The following TPRG1 variants were observed in gnomAD, a reference collection of about 807,000 sequenced individuals.
The protein encoded by TPRG1 is tumor protein p63 regulated 1.
A neutral mutation model predicts 29.3 loss-of-function variants in TPRG1; 29 were observed. That is an observed-to-expected ratio of 0.99 (90% CI 0.74 to 1.35). TPRG1 has a LOEUF of 1.35. Among genes scored for constraint, TPRG1 ranks in the 40% most tolerant of loss-of-function variants. The pLI is 0.00. For synonymous variants in TPRG1, 130 were observed against 116.8 expected (o/e 1.11, Z -0.73); for missense variants, 327 against 335.0 (o/e 0.98, Z 0.19).
At chr3:189,197,819 G>A (rs1732793816) in intron 1 of TPRG1, among the ~76,000 whole-genome samples, 1 of 152,182 alleles carries the variant, frequency 6.6e-6, no homozygotes, top group Admixed American at 6.5e-5. Flanking sequence ...TCTGAAAAGA[G>A]AGAAGTGAGA....
intron 3 of TPRG1, 54 bp downstream of exon 3, chr3:189,215,437 A>G (rs1325759946): frequency 7.0e-7 from 1 of 1,436,948 alleles, no homozygotes; most frequent in Non-Finnish European, 9.7e-7. Flanking sequence ...TTTCCTTGAC[A>G]TCACTGTAGC....
chr3:189,271,896 G>A (rs1326992398), intron 4 of TPRG1, among the ~76,000 whole-genome samples: 1 of 152,194 alleles, frequency 6.6e-6, no homozygotes, highest in Non-Finnish European at 1.5e-5. Flanking sequence ...GATCTCATCT[G>A]TAAAAATAGA....
intron 3 of TPRG1, among the ~76,000 whole-genome samples, chr3:189,236,664 A>C (rs1260160774): frequency 1.3e-5 from 2 of 152,196 alleles, no homozygotes; most frequent in African/African-American, 4.8e-5. Flanking sequence ...CCTTCTTCAA[A>C]GGGTTGTGGT....
intron 4 of TPRG1, among the ~76,000 whole-genome samples, chr3:189,284,964 C>T (rs1717801550): frequency 6.6e-6 from 1 of 152,170 alleles, no homozygotes; most frequent in Non-Finnish European, 1.5e-5. Context: ...TAAAGAGCTT[C>T]TGCACAGCAA....
At chr3:189,281,636 T>C (rs148411214) in intron 4 of TPRG1, among the ~76,000 whole-genome samples, 1 of 152,136 alleles carries the variant, frequency 6.6e-6, no homozygotes, top group Non-Finnish European at 1.5e-5. Context: ...AAAATCATAA[T>C]ATAAGAAGTA....
At chr3:189,207,236 A>T in intron 1 of TPRG1, 140 bp from the exon 2 acceptor site, 19 of 1,422,330 alleles carry the variant, frequency 1.3e-5, no homozygotes, top group Non-Finnish European at 1.8e-5. Flanking sequence ...TGTATCCACC[A>T]ATGCCTCTGT....
intron 1 of TPRG1, among the ~76,000 whole-genome samples, chr3:189,202,372 A>G (rs1452282016): frequency 6.6e-6 from 1 of 152,076 alleles, no homozygotes; most frequent in African/African-American, 2.4e-5. Flanking sequence ...CAAATGGGAA[A>G]TGGGAGTAGA....
intron 3 of TPRG1, among the ~76,000 whole-genome samples, chr3:189,142,480 A>G (rs1490393960): frequency 6.6e-6 from 1 of 152,076 alleles, no homozygotes; most frequent in Non-Finnish European, 1.5e-5. Context: ...GTTCAGTTAA[A>G]TTCTATCTCC....
intron 1 of TPRG1, among the ~76,000 whole-genome samples, chr3:188,998,137 C>T (rs938979043): frequency 8.8e-6 from 1 of 113,634 alleles, no homozygotes; most frequent in Non-Finnish European, 1.9e-5. Context: ...AACTTATGTT[C>T]TTATGGGAGC....
At chr3:189,031,655 A>G (rs995132956) in intron 4 of TPRG1, among the ~76,000 whole-genome samples, 3 of 152,236 alleles carry the variant, frequency 2.0e-5, no homozygotes, top group Non-Finnish European at 2.9e-5. Flanking sequence ...TTTTAGGTCC[A>G]CAAAATACAA....
rs1389187970 is a variant in TPRG1 at position 189,242,003 on chromosome 3, T to C, written c.479+3094T>C. 3.2e-4 allele frequency among the ~76,000 whole-genome samples: 48 copies of C among 152,136 alleles called. 1 individual carries two copies. The highest frequency in any genetic ancestry group is 3.1e-3 in the Admixed American group (48 of 15,262). ...CAAGGCTTCTAAATTTATGTCTTTT[T>C]GAGAAAAGCTTTCTCCATACTATAA... On this transcript the variant is annotated intron_variant, in intron 4 of 5. Coordinates refer to ENST00000345063, the MANE Select transcript of TPRG1 (RefSeq NM_198485.4).
In TPRG1 at chr3:189,009,066, G is replaced by C. The variant is rs1319791849; in HGVS notation, c.-660+4306G>C. On this transcript the variant is annotated intron_variant, in intron 3 of 10. Coordinates refer to the TPRG1 transcript ENST00000433971. Reference sequence around the variant, plus strand: ...CTGTGGCTTTTCATTTGATACCATAGAACTAATTGTTTACCCCAGCACAGA... The same window carrying C: ...CTGTGGCTTTTCATTTGATACCATACAACTAATTGTTTACCCCAGCACAGA... 2.0e-5 allele frequency among the ~76,000 whole-genome samples: 3 copies of C among 152,188 alleles called. No individual in the cohort carries two copies. In the East Asian group the frequency reaches 5.8e-4, roughly 29 times the overall value.
intron 3 of TPRG1, among the ~76,000 whole-genome samples, chr3:189,231,015 T>C (rs1290227141): frequency 1.3e-5 from 2 of 152,152 alleles, no homozygotes; most frequent in Non-Finnish European, 2.9e-5. Context: ...CTCCTTCAAC[T>C]GATACTCTCA....
intron 4 of TPRG1, among the ~76,000 whole-genome samples, chr3:189,035,655 G>A (rs1714217081): frequency 6.6e-6 from 1 of 152,060 alleles, no homozygotes; most frequent in African/African-American, 2.4e-5. Flanking sequence ...AGGCATACAT[G>A]TGACCAACAA....
In TPRG1 at chr3:189,322,376, T is replaced by G. The variant is rs962068396; in HGVS notation, c.*1556T>G. On this transcript the variant is annotated 3_prime_UTR_variant, in exon 6 of 6. Coordinates refer to ENST00000345063, the MANE Select transcript of TPRG1 (RefSeq NM_198485.4). Reference sequence around the variant, plus strand: ...TTTGTCTTTGTTTACTTCCATTAATTTTTTTTTCTTTCCCTCTCTTCCGCC... The same window carrying G: ...TTTGTCTTTGTTTACTTCCATTAATGTTTTTTTCTTTCCCTCTCTTCCGCC... 5 of 152,474 alleles carry G rather than the reference T, an allele frequency of 3.3e-5. No homozygotes were observed. The highest frequency in any genetic ancestry group is 1.2e-4 in the African/African-American group (5 of 41,402). 9.4% of individuals were successfully genotyped at this position (152,474 alleles called of 1,614,324 possible).
At chr3:189,207,287 G>T (rs190182288) in intron 1 of TPRG1, 89 bp from the exon 2 acceptor site, 2 of 1,502,178 alleles carry the variant, frequency 1.3e-6, no homozygotes, top group Non-Finnish European at 1.8e-6. Context: ...CAGGAATTCC[G>T]TTTGCTCATC....
At chr3:189,007,711 G>A (rs1578184220) in intron 3 of TPRG1, among the ~76,000 whole-genome samples, 1 of 140,254 alleles carries the variant, frequency 7.1e-6, no homozygotes, top group South Asian at 2.4e-4. Flanking sequence ...GGAATACTAT[G>A]CAGCCATAAA....
intron 5 of TPRG1, among the ~76,000 whole-genome samples, chr3:189,157,615 A>G (rs978163989): frequency 2.4e-4 from 36 of 152,326 alleles, no homozygotes; most frequent in African/African-American, 7.7e-4. Context: ...GAACAGCAAA[A>G]GCAAAGAAGG....
chr3:189,199,151 G>A (rs1733041153), intron 1 of TPRG1, among the ~76,000 whole-genome samples: 1 of 152,150 alleles, frequency 6.6e-6, no homozygotes, highest in Non-Finnish European at 1.5e-5. Flanking sequence ...TCAGAGGGAA[G>A]TCATAAAACA....
Sources: gnomAD v4.1 joint callset for allele counts (sites outside exome capture counted in the v4.1 genomes callset) on GRCh38, gnomAD v4.1.1 for gene constraint, MANE v1.5 for transcripts, NCBI Gene and HGNC (gene_info 2026-07-23, HGNC 2026-07-21) for gene names.